Variants in COL5A2 observed in about 807,000 individuals in gnomAD.
The protein encoded by COL5A2 is collagen type V alpha 2 chain, also known as collagen alpha-2(V) chain.
COL5A2 carries 23 observed loss-of-function variants against 208.2 expected under a neutral mutation model. That is an observed-to-expected ratio of 0.11 (90% confidence interval 0.08 to 0.16). The LOEUF is 0.16. Ranked by LOEUF, COL5A2 falls within the 10% of genes least tolerant of loss-of-function variation. The pLI is 1.00. For synonymous variants in COL5A2, 625 were observed against 628.5 expected, an observed-to-expected ratio of 0.99 and a Z score of 0.08; for missense variants, 1,590 against 1,956.4, an observed-to-expected ratio of 0.81 and a Z score of 3.53.
chr2:189,246,153 CT>C, the COL5A2 span, among the ~76,000 whole-genome samples: 16 of 152,108 alleles, frequency 1.1e-4, no homozygotes, highest in Non-Finnish European at 1.8e-4. Flanking sequence ...TAATGTGGAA[CT>C]TTCCAATCAT....
At chr2:189,096,479 G>A (rs1301623828) in intron 6 of COL5A2, among the ~76,000 whole-genome samples, 1 of 151,850 alleles carries the variant, frequency 6.6e-6, no homozygotes, top group Non-Finnish European at 1.5e-5. Context: ...AAAATTAGCT[G>A]GGCATGGTGG....
Position 189,110,228 on chromosome 2 carries a change from A to G in COL5A2, c.319T>C (p.Phe107Leu), listed in dbSNP as rs778501601. 4 of 1,611,304 alleles carry G rather than the reference A, an allele frequency of 2.5e-6. No individual in the cohort carries two copies. In the African/African-American group the frequency reaches 5.3e-5, roughly 22 times the overall value. ...SQTPGGGNTN[F>L]GRGRKGQKGE... is the part of the protein sequence containing the mutation. ...AGTTGGCCCTAAACATTCTTACCAA[A>G]ATTGGTATTGCCACCTCCAGGTGTT... The change falls in exon 2 of 54, where the codon TTT (phenylalanine) becomes CTT (leucine). Residue 107 changes from phenylalanine (F) to leucine (L), a missense_variant. Transcript: ENST00000374866.
At chr2:189,246,677 G>A in the COL5A2 span, among the ~76,000 whole-genome samples, 1 of 152,216 alleles carries the variant, frequency 6.6e-6, no homozygotes. Context: ...ACAGACTGCA[G>A]TGTGAGAACG....
the COL5A2 span, among the ~76,000 whole-genome samples, chr2:189,396,694 A>G: frequency 2.8e-5 from 4 of 145,036 alleles, no homozygotes; most frequent in African/African-American, 1.0e-4. Flanking sequence ...AAAAAAAAGA[A>G]TAAATGAGGC....
At chr2:189,045,100 T>A (rs1685637182) in intron 47 of COL5A2, 79 bp downstream of exon 47, 1 of 944,854 alleles carries the variant, frequency 1.1e-6, no homozygotes. Context: ...TTTTCAGTTA[T>A]GAATCTTAAA....
chr2:189,395,898 C>CAA, the COL5A2 span, among the ~76,000 whole-genome samples: 16 of 53,212 alleles, frequency 3.0e-4, no homozygotes, highest in African/African-American at 8.6e-4. Context: ...GGACACATCT[C>CAA]AAAAAAAAAA....
the COL5A2 span, among the ~76,000 whole-genome samples, chr2:189,439,011 A>C: frequency 6.6e-6 from 1 of 152,166 alleles, no homozygotes; most frequent in Non-Finnish European, 1.5e-5. Context: ...ATGGAAAGGA[A>C]TACTCTTTCC....
At chr2:189,070,324 C>A (rs545261870) in intron 18 of COL5A2, among the ~76,000 whole-genome samples, 8 of 152,134 alleles carry the variant, frequency 5.3e-5, no homozygotes, top group Admixed American at 6.5e-5. Flanking sequence ...CATATTGAAT[C>A]TCTGTTTCAC....
intron 50 of COL5A2, among the ~76,000 whole-genome samples, chr2:189,039,909 G>A (rs529048148): frequency 4.7e-4 from 71 of 152,068 alleles, no homozygotes; most frequent in South Asian, 1.7e-3. Flanking sequence ...AACTATTTTC[G>A]TCAAGGTACA....
At chr2:189,096,856 T>G (rs1170584102) in intron 6 of COL5A2, among the ~76,000 whole-genome samples, 1 of 152,138 alleles carries the variant, frequency 6.6e-6, no homozygotes, top group African/African-American at 2.4e-5. Context: ...GGCTGCTGAG[T>G]GAAAAAGGCG....
intron 13 of COL5A2, 41 bp from the exon 14 acceptor site, chr2:189,080,072 T>C: frequency 6.5e-7 from 1 of 1,532,448 alleles, no homozygotes; most frequent in Non-Finnish European, 9.0e-7. Context: ...ATCCTGTTTT[T>C]TTCAATCCTC....
the COL5A2 span, among the ~76,000 whole-genome samples, chr2:189,357,198 G>A: frequency 6.6e-6 from 1 of 152,166 alleles, no homozygotes; most frequent in African/African-American, 2.4e-5. Flanking sequence ...TTCCCAGTCA[G>A]GATACACAGA....
chr2:189,137,190 T>C (rs1052892311), intron 1 of COL5A2, among the ~76,000 whole-genome samples: 2 of 152,182 alleles, frequency 1.3e-5, no homozygotes, highest in African/African-American at 4.8e-5. Flanking sequence ...TAGAATGTGA[T>C]TTATGGATCT....
intron 18 of COL5A2, 147 bp from the exon 19 acceptor site, chr2:189,069,031 G>A: frequency 1.5e-6 from 1 of 678,970 alleles, no homozygotes; most frequent in South Asian, 1.6e-5. Context: ...GCCCAACCAA[G>A]CTTAAGGAGC....
At chr2:189,139,813 G>T (rs764218582) in intron 1 of COL5A2, among the ~76,000 whole-genome samples, 1 of 151,772 alleles carries the variant, frequency 6.6e-6, no homozygotes, top group Non-Finnish European at 1.5e-5. Flanking sequence ...AGTGGCTCAC[G>T]CCTGTAACCC....
chr2:189,346,612 T>G, the COL5A2 span, among the ~76,000 whole-genome samples: 3 of 152,216 alleles, frequency 2.0e-5, no homozygotes, highest in Non-Finnish European at 4.4e-5. Flanking sequence ...TATATATGAC[T>G]ATGTACAGAT....
the COL5A2 span, among the ~76,000 whole-genome samples, chr2:189,323,399 C>T: frequency 6.6e-6 from 1 of 152,180 alleles, no homozygotes; most frequent in Non-Finnish European, 1.5e-5. Context: ...TTGCAGATGA[C>T]ATGATTGTAC....
At chr2:189,198,011 A>G (rs4608561) in intron 1 of COL5A2, among the ~76,000 whole-genome samples, 150,549 of 152,150 alleles carry the variant, frequency 0.99, 74,503 homozygotes, top group Middle Eastern at 1. Context: ...CACCACACCC[A>G]GCTAATTTTT....
chr2:189,077,280 C>T (rs896875529), intron 16 of COL5A2, among the ~76,000 whole-genome samples: 1 of 152,136 alleles, frequency 6.6e-6, no homozygotes, highest in African/African-American at 2.4e-5. Flanking sequence ...AGATATCATA[C>T]ACCAAAGCAC....
Sources: allele counts gnomAD v4.1 joint callset (sites outside exome capture counted in the v4.1 genomes callset), GRCh38; gene constraint gnomAD v4.1.1; transcripts MANE v1.5; gene names NCBI Gene and HGNC (gene_info 2026-07-23, HGNC 2026-07-21).